The following LIMD1 variants were observed in gnomAD, a reference collection of about 807,000 sequenced individuals.
LIMD1 encodes LIM domain containing 1.
A neutral mutation model predicts 58.4 loss-of-function variants in LIMD1; 23 were observed. That is an observed-to-expected ratio of 0.39 (90% confidence interval 0.28 to 0.56). The LOEUF (loss-of-function observed/expected upper bound fraction) is 0.56. LIMD1 is among the 20% of genes least tolerant of loss of function. The pLI, the probability that LIMD1 is intolerant of heterozygous loss-of-function variation, is 0.57. For missense variants in LIMD1, 838 were observed against 855.5 expected (o/e 0.98, Z 0.25); for synonymous variants, 334 against 345.5 (o/e 0.97, Z 0.37).
intron 2 of LIMD1, among the ~76,000 whole-genome samples, chr3:45,658,890 C>T (rs993184099): frequency 1.3e-5 from 2 of 152,110 alleles, no homozygotes; most frequent in East Asian, 1.9e-4. Flanking sequence ...CACTCAGAGG[C>T]GTTGCCACTC....
chr3:45,628,133 C>G (rs75905993), intron 1 of LIMD1, among the ~76,000 whole-genome samples: 1,981 of 152,166 alleles, frequency 0.013, 59 homozygotes, highest in African/African-American at 0.045. Flanking sequence ...CTAATTGCCT[C>G]GAGAGAATTT....
intron 1 of LIMD1, among the ~76,000 whole-genome samples, chr3:45,596,863 CTT>C (rs1244008902): frequency 1.3e-4 from 18 of 135,996 alleles, no homozygotes; most frequent in Admixed American, 3.0e-4. Flanking sequence ...AGCAGTGGAT[CTT>C]TTTTTTTTTT....
rs1275107883 is a variant in LIMD1 at position 45,676,993 on chromosome 3, C to T, written c.1965C>T (p.His655=). The T allele has an allele frequency of 2.5e-6, 4 of 1,614,054 alleles. No homozygotes were observed. Among genetic ancestry groups the T allele is most frequent in the African/African-American group, 2.7e-5 (2 of 74,940 alleles). The stretch of plus-strand genomic sequence containing the variant: ...CGCTGGAGGACCACCTGTTCTGTCA[C>T]TCCTGCCACGTGAAGAGGCTGGAGA... ...CYPLEDHLFC[H]SCHVKRLEKR... The change falls in exon 8 of 8, where the codon CAC becomes CAT. Residue 655 remains histidine, a synonymous_variant. Coordinates refer to ENST00000273317, the MANE Select transcript of LIMD1 (RefSeq NM_014240.3).
At chr3:45,663,468 A>G (rs777256044) in intron 2 of LIMD1, among the ~76,000 whole-genome samples, 1 of 152,206 alleles carries the variant, frequency 6.6e-6, no homozygotes, top group Non-Finnish European at 1.5e-5. Context: ...TATTAGATTT[A>G]GTAATTTTTG....
chr3:45,628,007 C>CAAAAAGA (rs757930177), intron 1 of LIMD1, among the ~76,000 whole-genome samples: 1 of 111,614 alleles, frequency 9.0e-6, no homozygotes, highest in East Asian at 2.5e-4. Context: ...GACCCCATCT[C>CAAAAAGA]AAAAAAAAAA....
chr3:45,670,403 A>G (rs1575367442), intron 4 of LIMD1, among the ~76,000 whole-genome samples: 1 of 149,770 alleles, frequency 6.7e-6, no homozygotes, highest in East Asian at 2.0e-4. Flanking sequence ...ATCATGCTTC[A>G]TGCTGTGGGT....
intron 1 of LIMD1, among the ~76,000 whole-genome samples, chr3:45,612,070 G>GCGCGCTCT (rs55860697): frequency 4.1e-5 from 6 of 144,950 alleles, no homozygotes; most frequent in Admixed American, 7.0e-5. Context: ...GCAGGTGCGC[G>GCGCGCTCT]CTCTCTCTCT....
chr3:45,674,612 T>C (rs1346482035), intron 7 of LIMD1: 1 of 536,992 alleles, frequency 1.9e-6, no homozygotes, highest in Non-Finnish European at 3.4e-6. Context: ...AGGTCTTTCT[T>C]CTGCATATTC....
At chr3:45,643,774 G>A (rs1701873186) in intron 2 of LIMD1, among the ~76,000 whole-genome samples, 1 of 152,214 alleles carries the variant, frequency 6.6e-6, no homozygotes, top group Admixed American at 6.5e-5. Flanking sequence ...CAGAAATTAC[G>A]CCTAGTGCAG....
chr3:45,601,063 C>G (rs935541430), intron 1 of LIMD1, among the ~76,000 whole-genome samples: 2 of 151,990 alleles, frequency 1.3e-5, no homozygotes, highest in Admixed American at 6.6e-5. Flanking sequence ...GACCCTGTCT[C>G]AAAACAAAAA....
Position 45,594,933 on chromosome 3 carries a change from G to C in LIMD1, c.54G>C (p.Leu18=), listed in dbSNP as rs1701327044. ...AGGCCAGTAAATTCATCGAGGACCT[G>C]AACATGTATGAGGCCTCTAAGGATG... ...GLEASKFIED[L]NMYEASKDGL... The change falls in exon 1 of 8, where the codon CTG becomes CTC. Residue 18 remains leucine (L), a synonymous_variant. Coordinates refer to ENST00000273317, the MANE Select transcript of LIMD1 (RefSeq NM_014240.3). The C allele has an allele frequency of 6.2e-7, 1 of 1,613,366 alleles. No homozygotes were observed. The highest frequency in any genetic ancestry group is 1.3e-5 in the African/African-American group (1 of 74,800).
intron 2 of LIMD1, among the ~76,000 whole-genome samples, chr3:45,637,955 TTCTCTGGG>T (rs1164503984): frequency 6.6e-6 from 1 of 152,208 alleles, no homozygotes; most frequent in Non-Finnish European, 1.5e-5. Context: ...GGTTATCGAA[TTCTCTGGG>T]TCTCTGTGCC....
chr3:45,672,957 A>T, intron 5 of LIMD1, 137 bp downstream of exon 5: 1 of 1,003,924 alleles, frequency 1.0e-6, no homozygotes, highest in South Asian at 1.5e-5. Flanking sequence ...AATGGTTTTG[A>T]GGGGTACAGC....
At chr3:45,596,650 C>A (rs967036909) in intron 1 of LIMD1, among the ~76,000 whole-genome samples, 1 of 151,862 alleles carries the variant, frequency 6.6e-6, no homozygotes, top group African/African-American at 2.4e-5. Context: ...TTCAGTGGGA[C>A]CAGCTTTCTC....
rs1575346729 is a variant in LIMD1, at chr3:45,615,421, G to GATCTAT, written c.1408+19134_1408+19135insATCTAT. Among the ~76,000 whole-genome samples the GATCTAT allele has an allele frequency of 2.6e-5, 4 of 152,190 alleles. No individual in the cohort carries two copies. The East Asian group carries it at 7.7e-4, about 29-fold the overall frequency. On this transcript the variant is annotated intron_variant, in intron 1 of 7. Transcript: ENST00000273317. Reference sequence around the variant, plus strand: ...TGTTACATGGATCTATTGCCTACTGGTGAAATCTGGGTTTTAGTGTAACCA... The same window carrying GATCTAT: ...TGTTACATGGATCTATTGCCTACTGGATCTATTGAAATCTGGGTTTTAGTGTAACCA...
chr3:45,629,080 C>A (rs1339438487), intron 1 of LIMD1, among the ~76,000 whole-genome samples: 2 of 151,988 alleles, frequency 1.3e-5, no homozygotes, highest in African/African-American at 4.8e-5. Flanking sequence ...TGGATTTGAT[C>A]ATTGTCTTGA....
At chr3:45,614,099 C>T (rs1160799755) in intron 1 of LIMD1, among the ~76,000 whole-genome samples, 2 of 152,172 alleles carry the variant, frequency 1.3e-5, no homozygotes, top group African/African-American at 2.4e-5. Flanking sequence ...ATTATCTTCA[C>T]AAGATATTTT....
At chr3:45,602,647 A>G (rs1311582480) in intron 1 of LIMD1, among the ~76,000 whole-genome samples, 1 of 151,944 alleles carries the variant, frequency 6.6e-6, no homozygotes, top group Non-Finnish European at 1.5e-5. Flanking sequence ...GTCTTACTTG[A>G]TTTTACTTTC....
chr3:45,672,254 G>A (rs1697594202), intron 4 of LIMD1, among the ~76,000 whole-genome samples: 1 of 152,168 alleles, frequency 6.6e-6, no homozygotes, highest in Admixed American at 6.5e-5. Context: ...ATTTTTCCGA[G>A]TACTTGCTGC....
Sources: gnomAD v4.1 joint callset for allele counts (sites outside exome capture counted in the v4.1 genomes callset) on GRCh38, gnomAD v4.1.1 for gene constraint, MANE v1.5 for transcripts, NCBI Gene and HGNC (gene_info 2026-07-23, HGNC 2026-07-21) for gene names.